ANO6: variants seen among roughly 807,000 people sequenced by gnomAD.
ANO6 encodes anoctamin 6, also known as anoctamin-6.
A neutral mutation model predicts 117.5 loss-of-function variants in ANO6; 106 were observed. That is an observed-to-expected ratio of 0.90 (90% CI 0.77 to 1.06). The LOEUF (loss-of-function observed/expected upper bound fraction) is 1.06. Ranked by LOEUF, ANO6 falls within the 50% of genes least tolerant of loss-of-function variation. ANO6 has a pLI of 0.00. For missense variants in ANO6, 955 were observed against 1,121.1 expected (o/e 0.85, Z 2.12); for synonymous variants, 367 against 385.1 (o/e 0.95, Z 0.55).
At chr12:45,260,571 CATA>C (rs35735926) in intron 1 of ANO6, among the ~76,000 whole-genome samples, 7,516 of 152,188 alleles carry the variant, frequency 0.049, 445 homozygotes, top group East Asian at 0.32. Context: ...CCTCCCAAAG[CATA>C]ATAATGTGTT....
intron 19 of ANO6, among the ~76,000 whole-genome samples, chr12:45,438,800 TG>T (rs1245095789): frequency 1.3e-5 from 2 of 152,176 alleles, no homozygotes; most frequent in East Asian, 3.9e-4. Context: ...AGAGGCCCAC[TG>T]CAAAAACATG....
intron 2 of ANO6, among the ~76,000 whole-genome samples, chr12:45,314,517 G>A (rs1320406623): frequency 1.3e-5 from 2 of 149,602 alleles, no homozygotes; most frequent in African/African-American, 4.9e-5. Flanking sequence ...ACACATATGT[G>A]TATATATCTA....
intron 15 of ANO6, among the ~76,000 whole-genome samples, chr12:45,406,166 T>C (rs1942930056): frequency 2.0e-5 from 3 of 152,220 alleles, no homozygotes; most frequent in Non-Finnish European, 4.4e-5. Flanking sequence ...TCCAGGTTCC[T>C]TTTGGGGCCT....
chr12:45,346,376 G>A (rs532938429), intron 3 of ANO6, among the ~76,000 whole-genome samples: 3 of 152,254 alleles, frequency 2.0e-5, no homozygotes, highest in Admixed American at 6.5e-5. Flanking sequence ...ATATCCATAA[G>A]TGTAGTATAT....
rs141917680 is a variant in ANO6 at position 45,415,951 on chromosome 12, G to A, written c.2012-748G>A. 6.8e-3 allele frequency among the ~76,000 whole-genome samples: 1,037 copies of A among 152,184 alleles called. 11 individuals carry two copies. The highest frequency in any genetic ancestry group is 0.023 in the African/African-American group (943 of 41,512). On this transcript the variant is annotated intron_variant, in intron 16 of 19. Transcript: ENST00000320560. ...GATATTTTCTTACTTCTTCCTCTCC[G>A]TGGTATCACTTACCCCAAAATCTCT...
At chr12:45,232,595 T>C (rs1947588938) in intron 1 of ANO6, among the ~76,000 whole-genome samples, 1 of 152,222 alleles carries the variant, frequency 6.6e-6, no homozygotes, top group Non-Finnish European at 1.5e-5. Context: ...AGGCTCAAGA[T>C]GTACATTAGA....
At chr12:45,333,424 A>G (rs1940732644) in intron 3 of ANO6, among the ~76,000 whole-genome samples, 1 of 152,076 alleles carries the variant, frequency 6.6e-6, no homozygotes, top group South Asian at 2.1e-4. Flanking sequence ...AGCAATATAT[A>G]AAGTAAGTTA....
intron 2 of ANO6, among the ~76,000 whole-genome samples, chr12:45,316,270 AAGAC>A (rs1383628463): frequency 6.6e-6 from 1 of 152,106 alleles, no homozygotes; most frequent in African/African-American, 2.4e-5. Flanking sequence ...TCCAATGAGA[AAGAC>A]AGACATTAAT....
At chr12:45,225,912 T>G (rs1274059143) in intron 1 of ANO6, among the ~76,000 whole-genome samples, 1 of 152,356 alleles carries the variant, frequency 6.6e-6, no homozygotes, top group South Asian at 2.1e-4. Context: ...GCCAACGAAA[T>G]GTACTACTCA....
chr12:45,234,767 T>A (rs902162301), intron 1 of ANO6, among the ~76,000 whole-genome samples: 7 of 132,718 alleles, frequency 5.3e-5, no homozygotes, highest in Non-Finnish European at 7.7e-5. Flanking sequence ...CTAGCTCAGC[T>A]ACATTCCAGT....
At chr12:45,320,433 GTGAGTT>G (rs1940219720) in intron 2 of ANO6, among the ~76,000 whole-genome samples, 1 of 152,174 alleles carries the variant, frequency 6.6e-6, no homozygotes, top group Non-Finnish European at 1.5e-5. Flanking sequence ...GCGGTTTTGA[GTGAGTT>G]TCTTAATCCT....
intron 2 of ANO6, among the ~76,000 whole-genome samples, chr12:45,321,092 C>T (rs949429167): frequency 1.3e-5 from 2 of 152,036 alleles, no homozygotes; most frequent in African/African-American, 4.8e-5. Context: ...TCTGGAAAGA[C>T]AGCTGGATTC....
intron 9 of ANO6, among the ~76,000 whole-genome samples, chr12:45,371,161 A>G (rs1941820849): frequency 6.6e-6 from 1 of 152,212 alleles, no homozygotes; most frequent in Admixed American, 6.5e-5. Context: ...ACGGGCTTAA[A>G]AAACGGCGCA....
intron 16 of ANO6, among the ~76,000 whole-genome samples, chr12:45,415,070 T>A (rs939120324): frequency 1.7e-5 from 2 of 117,468 alleles, no homozygotes; most frequent in African/African-American, 7.8e-5. Flanking sequence ...CCTGTCAGCT[T>A]TTTTTTCTTA....
chr12:45,229,333 A>G (rs1038216143), intron 1 of ANO6, among the ~76,000 whole-genome samples: 1 of 150,608 alleles, frequency 6.6e-6, no homozygotes, highest in Admixed American at 6.6e-5. Context: ...TTCCCATGTC[A>G]GCCTCTTTTC....
chr12:45,266,397 C>T (rs553692623), intron 1 of ANO6, among the ~76,000 whole-genome samples: 2 of 151,948 alleles, frequency 1.3e-5, no homozygotes, highest in African/African-American at 2.4e-5. Context: ...GGTCTGAGAC[C>T]GTATGTATTA....
intron 2 of ANO6, 127 bp downstream of exon 2, chr12:45,302,220 G>T: frequency 2.4e-6 from 2 of 837,936 alleles, no homozygotes; most frequent in South Asian, 1.4e-5. Context: ...TCTTATTGCA[G>T]GGACTGTGCG....
At chr12:45,234,725 A>T (rs1174796353) in intron 1 of ANO6, among the ~76,000 whole-genome samples, 1 of 59,784 alleles carries the variant, frequency 1.7e-5, no homozygotes, top group African/African-American at 6.3e-5. Flanking sequence ...AGAACCCCCC[A>T]CCCCCACCCC....
At chr12:45,385,599 A>G (rs1942277119) in intron 10 of ANO6, among the ~76,000 whole-genome samples, 2 of 152,112 alleles carry the variant, frequency 1.3e-5, no homozygotes, top group African/African-American at 2.4e-5. Context: ...TGAGACCAGC[A>G]TGGCTCAGCT....
Sources: gnomAD v4.1 joint callset for allele counts (sites outside exome capture counted in the v4.1 genomes callset) on GRCh38, gnomAD v4.1.1 for gene constraint, MANE v1.5 for transcripts, NCBI Gene and HGNC (gene_info 2026-07-23, HGNC 2026-07-21) for gene names.